DSTN: variants seen among roughly 807,000 people sequenced by gnomAD.
The protein encoded by DSTN is destrin, actin depolymerizing factor.
In DSTN, 10 loss-of-function variants were observed where a neutral mutation model predicts 16.8. That is an observed-to-expected ratio of 0.60 (90% CI 0.37 to 1.01). The LOEUF is 1.01. DSTN is among the 50% of genes least tolerant of loss of function. DSTN has a pLI of 0.01. For missense variants in DSTN, 141 were observed against 196.7 expected (o/e 0.72, Z 1.69); for synonymous variants, 57 against 58.9 (o/e 0.97, Z 0.14).
chr20:17,602,853 A>AC (rs1301989668), intron 2 of DSTN, among the ~76,000 whole-genome samples: 2 of 151,994 alleles, frequency 1.3e-5, no homozygotes, highest in Admixed American at 1.3e-4. Flanking sequence ...ACATGGTGCA[A>AC]CCCCATCTCT....
At chr20:17,602,678 A>T (rs2035599004) in intron 2 of DSTN, among the ~76,000 whole-genome samples, 1 of 152,208 alleles carries the variant, frequency 6.6e-6, no homozygotes, top group African/African-American at 2.4e-5. Context: ...ATTTGGTTAG[A>T]ATAAAAGCAG....
chr20:17,602,700 C>CT (rs1288691440), intron 2 of DSTN, among the ~76,000 whole-genome samples: 1 of 152,106 alleles, frequency 6.6e-6, no homozygotes, highest in Non-Finnish European at 1.5e-5. Context: ...ACAGCTGATG[C>CT]TTTTTTATGT....
intron 1 of DSTN, chr20:17,576,396 T>C (rs2035278862): frequency 6.2e-6 from 1 of 160,752 alleles, no homozygotes. Flanking sequence ...TTGAGAGGGA[T>C]GCACATGGAG....
intron 2 of DSTN, 38 bp downstream of exon 2, chr20:17,601,083 AT>A: frequency 6.5e-7 from 1 of 1,541,506 alleles, no homozygotes; most frequent in East Asian, 2.3e-5. Flanking sequence ...TGTAAAACTC[AT>A]TTTGTTAGCA....
intron 2 of DSTN, among the ~76,000 whole-genome samples, chr20:17,603,558 G>A (rs2035609321): frequency 6.6e-6 from 1 of 152,106 alleles, no homozygotes; most frequent in African/African-American, 2.4e-5. Context: ...CCTATGGGTT[G>A]GCGTACAGAG....
At chr20:17,587,038 TTGAC>T (rs2035417279) in intron 1 of DSTN, among the ~76,000 whole-genome samples, 1 of 152,158 alleles carries the variant, frequency 6.6e-6, no homozygotes, top group African/African-American at 2.4e-5. Context: ...TATTCAGTAT[TTGAC>T]TTGCTCAATT....
intron 1 of DSTN, among the ~76,000 whole-genome samples, chr20:17,578,447 T>G (rs1568730599): frequency 6.6e-6 from 1 of 152,216 alleles, no homozygotes; most frequent in Non-Finnish European, 1.5e-5. Context: ...TACCTCCCCT[T>G]TGTATACTGC....
chr20:17,602,845 A>G (rs1454175447), intron 2 of DSTN, among the ~76,000 whole-genome samples: 8 of 152,126 alleles, frequency 5.3e-5, no homozygotes, highest in Admixed American at 1.3e-4. Context: ...GCCAACCAAC[A>G]TGGTGCAACC....
chr20:17,608,157 CTT>C lies in DSTN; in HGVS notation c.*1013_*1014del, dbSNP rs1256813313. 2 of 152,184 alleles carry C rather than the reference CTT, an allele frequency of 1.3e-5. No individual in the cohort carries two copies. The highest frequency in any genetic ancestry group is 2.4e-5 in the African/African-American group (1 of 41,438). The allele number at this position is 152,184 out of a possible 1,614,324, so 9.4% of individuals were successfully genotyped here. On this transcript the variant is annotated 3_prime_UTR_variant, in exon 4 of 4. Coordinates refer to ENST00000246069, the MANE Select transcript of DSTN (RefSeq NM_006870.4). ...CATTGTTAATATCACGGGCGTAACA[CTT>C]TGAACGATATAGAGATGCACAAACA...
intron 1 of DSTN, among the ~76,000 whole-genome samples, chr20:17,589,055 C>T (rs1205181379): frequency 6.6e-6 from 1 of 152,118 alleles, no homozygotes; most frequent in African/African-American, 2.4e-5. Flanking sequence ...ATCTTTGCTT[C>T]TCAGACCCAT....
intron 3 of DSTN, among the ~76,000 whole-genome samples, chr20:17,605,546 TC>T (rs1441852282): frequency 6.6e-6 from 1 of 152,114 alleles, no homozygotes; most frequent in Non-Finnish European, 1.5e-5. Context: ...TTTACTTAGT[TC>T]GGAAAAAAAA....
rs2035664712 is a variant in DSTN, at chr20:17,608,454, G to A, written c.*1308G>A. On this transcript the variant is annotated 3_prime_UTR_variant, in exon 4 of 4. Transcript: ENST00000246069. ...ACAATCAGCGTGGGCAACATAGTGG[G>A]ATCTCATCTACTAAAAATAAACAAA... 1 of 151,958 alleles carries A rather than the reference G, an allele frequency of 6.6e-6. No homozygotes were observed. The highest frequency in any genetic ancestry group is 2.1e-4 in the South Asian group (1 of 4,826). 9.4% of individuals were successfully genotyped at this position (151,958 alleles called of 1,614,324 possible). A position where few individuals can be genotyped will look rare whatever the true frequency, so the allele number is the denominator to read the frequency against.
Position 17,607,280 on chromosome 20 carries a change from A to G in DSTN, c.*134A>G, listed in dbSNP as rs1298812114. On this transcript the variant is annotated 3_prime_UTR_variant, in exon 4 of 4. Transcript: ENST00000246069. ...GTCATCTTTTAGAGTAAACTATTCT[A>G]TAAACATATGCAAACAGCCCTAAAT... The G allele has an allele frequency of 1.5e-6, 1 of 666,126 alleles. No individual in the cohort carries two copies. The highest frequency in any genetic ancestry group is 2.4e-6 in the Non-Finnish European group (1 of 418,268). 41.3% of individuals were successfully genotyped at this position (666,126 alleles called of 1,614,324 possible). A position where few individuals can be genotyped will look rare whatever the true frequency, so the allele number is the denominator to read the frequency against.
intron 1 of DSTN, among the ~76,000 whole-genome samples, chr20:17,584,508 C>T (rs1043777770): frequency 3.9e-5 from 6 of 151,948 alleles, no homozygotes; most frequent in East Asian, 1.9e-4. Flanking sequence ...AAAAATTAGC[C>T]GGGCGTGTTG....
In DSTN at chr20:17,570,150, CT is replaced by C; in HGVS notation, c.-58del. 1 of 1,516,312 alleles carries C rather than the reference CT, an allele frequency of 6.6e-7. No homozygotes were observed. The highest frequency in any genetic ancestry group is 8.8e-7 in the Non-Finnish European group (1 of 1,136,496). 93.9% of individuals were successfully genotyped at this position (1,516,312 alleles called of 1,614,324 possible). The stretch of plus-strand genomic sequence containing the variant: ...GTCCCGCAGCCGTGAGGAGGACGGT[CT>C]GCATACTCGCTGCCCGCCGGCTCCC... On this transcript the variant is annotated 5_prime_UTR_variant, in exon 1 of 4. Transcript: ENST00000246069.
chr20:17,595,819 AT>A (rs548278698), intron 1 of DSTN, among the ~76,000 whole-genome samples: 1 of 151,492 alleles, frequency 6.6e-6, no homozygotes, highest in Non-Finnish European at 1.5e-5. Context: ...GTATGTTTTA[AT>A]TTTTTTTTAA....
chr20:17,576,202 C>T (rs1262709627), intron 1 of DSTN: 1 of 152,202 alleles, frequency 6.6e-6, no homozygotes, highest in Non-Finnish European at 1.5e-5. Flanking sequence ...GATTAGTCTT[C>T]TAGAAGCTGA....
At chr20:17,604,100 G>A (rs763605963) in intron 2 of DSTN, among the ~76,000 whole-genome samples, 4 of 151,980 alleles carry the variant, frequency 2.6e-5, no homozygotes, top group East Asian at 1.9e-4. Context: ...ACGTACTTAC[G>A]GATTATTCTC....
rs1394687697 is a variant in DSTN at position 17,609,755 on chromosome 20, A to G, written c.*2609A>G. The G allele has an allele frequency of 6.6e-6, 1 of 152,238 alleles. No individual in the cohort carries two copies. Among genetic ancestry groups the G allele is most frequent in the African/African-American group, 2.4e-5 (1 of 41,466 alleles). The allele number at this position is 152,238 out of a possible 1,614,324, so 9.4% of individuals were successfully genotyped here. ...TCAGCTGATTGGTCTACTGTTGGTC[A>G]GGAACAAAACTGCAAGTATACTCTG... is the stretch of plus-strand genomic sequence containing the variant. On this transcript the variant is annotated 3_prime_UTR_variant, in exon 4 of 4. Transcript: ENST00000246069.
Sources: allele counts gnomAD v4.1 joint callset (sites outside exome capture counted in the v4.1 genomes callset), GRCh38; gene constraint gnomAD v4.1.1; transcripts MANE v1.5; gene names NCBI Gene and HGNC (gene_info 2026-07-23, HGNC 2026-07-21).